Variants in CDH9 observed in about 807,000 individuals in gnomAD.
CDH9 encodes the protein cadherin 9, also known as cadherin-9.
A neutral mutation model predicts 70.9 loss-of-function variants in CDH9; 28 were observed. The observed-to-expected ratio is 0.40, with a 90% CI of 0.29 to 0.54. The LOEUF (loss-of-function observed/expected upper bound fraction) is 0.54, where lower values mean the gene tolerates loss of function less well. Among genes scored for constraint, CDH9 ranks in the 20% least tolerant of loss-of-function variants. The pLI, the probability that CDH9 is intolerant of heterozygous loss-of-function variation, is 0.59. For synonymous variants in CDH9, 409 were observed against 343.1 expected, an observed-to-expected ratio of 1.19 and a Z score of -2.12; for missense variants, 874 against 984.4, an observed-to-expected ratio of 0.89 and a Z score of 1.50.
intron 2 of CDH9, among the ~76,000 whole-genome samples, chr5:26,960,552 A>G (rs1231210835): frequency 1.3e-5 from 2 of 151,980 alleles, no homozygotes; most frequent in Non-Finnish European, 2.9e-5. Flanking sequence ...TTTTAGATTA[A>G]AGAAGAAAAT....
At chr5:27,034,272 A>AG (rs1743355076) in intron 1 of CDH9, among the ~76,000 whole-genome samples, 1 of 151,698 alleles carries the variant, frequency 6.6e-6, no homozygotes, top group Admixed American at 6.6e-5. Flanking sequence ...TATGCTCTTC[A>AG]GAATTGTAAA....
chr5:26,945,051 C>T (rs971473539), intron 2 of CDH9, among the ~76,000 whole-genome samples: 12 of 152,040 alleles, frequency 7.9e-5, no homozygotes, highest in Non-Finnish European at 1.0e-4. Flanking sequence ...TTTAGAGTTG[C>T]CATCTCATGT....
intron 2 of CDH9, among the ~76,000 whole-genome samples, chr5:26,937,846 T>C (rs4701550): frequency 1 from 151,801 of 152,106 alleles, 75,752 homozygotes; most frequent in Middle Eastern, 1. Flanking sequence ...ATAGATGGGG[T>C]ACAGGGGAAT....
chr5:26,947,199 T>C (rs964777220), intron 2 of CDH9, among the ~76,000 whole-genome samples: 4 of 152,180 alleles, frequency 2.6e-5, no homozygotes, highest in Admixed American at 6.6e-5. Context: ...AATTCAGCAA[T>C]ATACCACTCC....
At chr5:26,960,350 C>T (rs912945488) in intron 2 of CDH9, among the ~76,000 whole-genome samples, 1 of 151,992 alleles carries the variant, frequency 6.6e-6, no homozygotes, top group African/African-American at 2.4e-5. Flanking sequence ...CCATATGCTG[C>T]TTCTAAAATA....
intron 2 of CDH9, among the ~76,000 whole-genome samples, chr5:26,975,303 A>G (rs1159753585): frequency 6.6e-6 from 1 of 152,172 alleles, no homozygotes; most frequent in African/African-American, 2.4e-5. Flanking sequence ...TTATTTTCCA[A>G]TAAGGAAGCA....
At chr5:27,019,089 T>G (rs1561042719) in intron 1 of CDH9, among the ~76,000 whole-genome samples, 2 of 151,826 alleles carry the variant, frequency 1.3e-5, no homozygotes, top group East Asian at 3.9e-4. Context: ...GTGGGAGGAA[T>G]CCCAAAAAAA....
intron 2 of CDH9, among the ~76,000 whole-genome samples, chr5:26,971,045 A>G (rs1742211266): frequency 6.6e-6 from 1 of 152,170 alleles, no homozygotes. Flanking sequence ...AAATTCCCAC[A>G]TTTCAGCTAC....
intron 9 of CDH9, among the ~76,000 whole-genome samples, chr5:26,886,704 T>C (rs563321671): frequency 2.9e-4 from 44 of 152,320 alleles, no homozygotes; most frequent in African/African-American, 1.0e-3. Flanking sequence ...GAAATGCTTT[T>C]AAGATTTTGT....
rs1741985747 is a variant in CDH9, at chr5:26,958,649, GA to G, written c.228+29456del. ...CCAAGAAGACACTGCCTCAGTACAA[GA>G]AAAAGTTGTTTTAAACAAATTCTAG... On this transcript the variant is annotated intron_variant, in intron 2 of 11. Transcript: ENST00000231021. Among the ~76,000 whole-genome samples, 8 of 152,222 alleles carry G rather than the reference GA, an allele frequency of 5.3e-5. No homozygotes were observed. The South Asian group carries it at 1.4e-3, about 28-fold the overall frequency.
rs1740976599 is a variant in CDH9 at position 26,907,806 on chromosome 5, TC to T, written c.524-969del. Among the ~76,000 whole-genome samples the T allele has an allele frequency of 2.0e-5, 3 of 152,180 alleles. No individual in the cohort carries two copies. The South Asian group carries it at 6.2e-4, about 32-fold the overall frequency. On this transcript the variant is annotated intron_variant, in intron 3 of 11. Coordinates refer to ENST00000231021, the MANE Select transcript of CDH9 (RefSeq NM_016279.4). ...ATTTTTCAGTATATTTTACATAATTTCTAAAAGTTTGAGTCTCACTCTTACA... is the reference window on the plus strand; with the variant it reads ...ATTTTTCAGTATATTTTACATAATTTTAAAAGTTTGAGTCTCACTCTTACA...
chr5:26,988,624 C>T (rs918585880), intron 1 of CDH9, among the ~76,000 whole-genome samples: 1 of 151,664 alleles, frequency 6.6e-6, no homozygotes, highest in Non-Finnish European at 1.5e-5. Context: ...TACTATAAAA[C>T]AATCAGATAC....
At chr5:27,011,256 C>A (rs933121036) in intron 1 of CDH9, among the ~76,000 whole-genome samples, 2 of 151,968 alleles carry the variant, frequency 1.3e-5, no homozygotes. Flanking sequence ...AAGTCCCAAC[C>A]CCTGGAACCT....
chr5:26,923,542 A>G (rs777267594), intron 2 of CDH9, among the ~76,000 whole-genome samples: 1 of 152,070 alleles, frequency 6.6e-6, no homozygotes, highest in Non-Finnish European at 1.5e-5. Context: ...ACAAAGAAAC[A>G]TTGGAACTTA....
intron 6 of CDH9, 122 bp downstream of exon 6, chr5:26,903,515 T>A: frequency 1.3e-6 from 1 of 773,634 alleles, no homozygotes; most frequent in East Asian, 2.5e-5. Flanking sequence ...CTCATTTATC[T>A]GAAGGATAGA....
chr5:26,936,483 T>C (rs1463574091), intron 2 of CDH9, among the ~76,000 whole-genome samples: 1 of 151,866 alleles, frequency 6.6e-6, no homozygotes, highest in Non-Finnish European at 1.5e-5. Context: ...TTTTAAAGAG[T>C]CTTTCCAACT....
rs140499783 is a variant in CDH9, at chr5:27,015,825, A to T, written c.-50+22638T>A. On this transcript the variant is annotated intron_variant, in intron 1 of 11. Transcript: ENST00000231021. The stretch of plus-strand genomic sequence containing the variant: ...TCTGCTTATTAAGTATATGAGGGTC[A>T]CCTGTGTCAACAGCACTAGTCAGAA... 5.5e-3 allele frequency among the ~76,000 whole-genome samples: 829 copies of T among 151,816 alleles called. 5 individuals carry two copies. Among genetic ancestry groups the T allele is most frequent in the African/African-American group, 0.019 (787 of 41,510 alleles).
intron 1 of CDH9, among the ~76,000 whole-genome samples, chr5:27,009,413 A>G (rs1742919506): frequency 6.6e-6 from 1 of 152,170 alleles, no homozygotes; most frequent in African/African-American, 2.4e-5. Context: ...AAAGGAGAAG[A>G]AAGAGAAACA....
At chr5:27,015,516 GCA>G (rs1404674448) in intron 1 of CDH9, among the ~76,000 whole-genome samples, 3 of 151,594 alleles carry the variant, frequency 2.0e-5, no homozygotes, top group Non-Finnish European at 4.4e-5. Flanking sequence ...TGTTTAAGCA[GCA>G]TCATTAGTCA....
Sources: allele counts gnomAD v4.1 joint callset (sites outside exome capture counted in the v4.1 genomes callset), GRCh38; gene constraint gnomAD v4.1.1; transcripts MANE v1.5; gene names NCBI Gene and HGNC (gene_info 2026-07-23, HGNC 2026-07-21).